LAMA3: variants seen among roughly 807,000 people sequenced by gnomAD.
The protein encoded by LAMA3 is laminin subunit alpha-3.
In LAMA3, 281 loss-of-function variants were observed where a neutral mutation model predicts 402.0. That is an observed-to-expected ratio of 0.70 (90% CI 0.63 to 0.77). The LOEUF is 0.77. Ranked by LOEUF, LAMA3 falls within the 30% of genes least tolerant of loss-of-function variation. The pLI, the probability that LAMA3 is intolerant of heterozygous loss-of-function variation, is 0.00. For synonymous variants in LAMA3, 1,431 were observed against 1,558.4 expected, an observed-to-expected ratio of 0.92 and a Z score of 1.93; for missense variants, 3,840 against 4,215.5, an observed-to-expected ratio of 0.91 and a Z score of 2.47.
At chr18:23,937,371 CAAAAAAAAAAAAA>C (rs58274189) in intron 67 of LAMA3, among the ~76,000 whole-genome samples, 193 of 92,856 alleles carry the variant, frequency 2.1e-3, no homozygotes, top group Middle Eastern at 5.0e-3. Context: ...TTCTCAAAAG[CAAAAAAAAAAAAA>C]AAAAAAAAAA....
chr18:23,763,416 C>A lies in LAMA3; in HGVS notation c.1075C>A (p.His359Asn). Reference sequence around the variant, plus strand: ...TGCTTTTTTTTCAGCATGCAACTGCCACGGCCATGCCAGCAACTGTTACTA... The same window carrying A: ...TGCTTTTTTTTCAGCATGCAACTGCAACGGCCATGCCAGCAACTGTTACTA... ...QSHECEACNC[H>N]GHASNCYYDP... Residue 359 changes from histidine to asparagine, a missense_variant, in exon 8 of 75, where the codon CAC becomes AAC. Coordinates refer to ENST00000313654, the MANE Select transcript of LAMA3 (RefSeq NM_198129.4). The A allele has an allele frequency of 6.2e-7, 1 of 1,612,148 alleles. No individual in the cohort carries two copies. The highest frequency in any genetic ancestry group is 8.5e-7 in the Non-Finnish European group (1 of 1,178,282).
chr18:23,822,900 AGAG>A (rs760284538), intron 20 of LAMA3, among the ~76,000 whole-genome samples: 12 of 152,220 alleles, frequency 7.9e-5, no homozygotes, highest in African/African-American at 1.7e-4. Flanking sequence ...CAGAGGGACA[AGAG>A]AAGAGAGCAC....
chr18:23,937,371 C>CAAA (rs58274189), intron 67 of LAMA3, among the ~76,000 whole-genome samples: 4 of 92,916 alleles, frequency 4.3e-5, no homozygotes, highest in East Asian at 5.0e-4. Context: ...TTCTCAAAAG[C>CAAA]AAAAAAAAAA....
chr18:23,933,255 G>A (rs972530900), intron 66 of LAMA3, among the ~76,000 whole-genome samples: 5 of 151,970 alleles, frequency 3.3e-5, no homozygotes, highest in African/African-American at 9.7e-5. Flanking sequence ...ATAGTATCCC[G>A]GCCCTCCCAC....
chr18:23,902,037 A>G (rs1003068804), intron 48 of LAMA3, among the ~76,000 whole-genome samples: 7 of 152,212 alleles, frequency 4.6e-5, no homozygotes, highest in Non-Finnish European at 8.8e-5. Context: ...TGCTAAAACA[A>G]TGAGGCCAGG....
intron 62 of LAMA3, among the ~76,000 whole-genome samples, chr18:23,925,512 C>A (rs1395774013): frequency 6.6e-6 from 1 of 152,170 alleles, no homozygotes; most frequent in Non-Finnish European, 1.5e-5. Context: ...TATTGAACAT[C>A]GACTAAGTAC....
At chr18:23,884,451 G>A (rs1478248026) in intron 40 of LAMA3, among the ~76,000 whole-genome samples, 1 of 151,978 alleles carries the variant, frequency 6.6e-6, no homozygotes, top group African/African-American at 2.4e-5. Context: ...CTCCTTCCTT[G>A]TTATTCCTGG....
At chr18:23,907,079 T>C (rs2081274693) in intron 52 of LAMA3, among the ~76,000 whole-genome samples, 1 of 152,338 alleles carries the variant, frequency 6.6e-6, no homozygotes, top group African/African-American at 2.4e-5. Flanking sequence ...ACAACACTCT[T>C]TTCTTGTCCT....
intron 52 of LAMA3, among the ~76,000 whole-genome samples, chr18:23,905,977 C>G (rs1027851143): frequency 2.6e-5 from 4 of 152,066 alleles, no homozygotes; most frequent in African/African-American, 9.7e-5. Flanking sequence ...GTTTCCCAGG[C>G]TGGGCTCAAA....
At chr18:23,712,240 CGTG>C (rs1408275142) in intron 1 of LAMA3, among the ~76,000 whole-genome samples, 1 of 151,706 alleles carries the variant, frequency 6.6e-6, no homozygotes, top group Non-Finnish European at 1.5e-5. Flanking sequence ...ATTAGCCGGG[CGTG>C]GTGGTGCATG....
intron 2 of LAMA3, among the ~76,000 whole-genome samples, chr18:23,735,861 C>A (rs1253119117): frequency 6.6e-6 from 1 of 152,048 alleles, no homozygotes; most frequent in Non-Finnish European, 1.5e-5. Context: ...TCACCCTGAG[C>A]AGAGAAGAGC....
rs1253105703 is a variant in LAMA3 at position 23,795,447 on chromosome 18, T to C, written c.1603+11290T>C. Among the ~76,000 whole-genome samples, 3 of 152,328 alleles carry C rather than the reference T, an allele frequency of 2.0e-5. No homozygotes were observed. In the East Asian group the frequency reaches 5.8e-4, roughly 29 times the overall value. ...AAAAAGAGTTAAATTATGTCTAATA[T>C]ACCTGCTTCATTGGGAAGGAAAGTA... On this transcript the variant is annotated intron_variant, in intron 12 of 74. Transcript: ENST00000313654.
At chr18:23,876,269 A>T (rs763709484) in intron 38 of LAMA3, 25 bp from the exon 39 acceptor site, 1 of 1,465,684 alleles carries the variant, frequency 6.8e-7, no homozygotes, top group Non-Finnish European at 9.6e-7. Context: ...CTTTGTATTG[A>T]TTAAACACTT....
intron 62 of LAMA3, among the ~76,000 whole-genome samples, chr18:23,927,703 TC>T (rs1420811448): frequency 6.6e-6 from 1 of 152,224 alleles, no homozygotes; most frequent in East Asian, 1.9e-4. Flanking sequence ...TCTAGAGCAC[TC>T]CTGGTTCCTA....
At chr18:23,903,883 T>C in intron 49 of LAMA3, 50 bp from the exon 50 acceptor site, 3 of 1,466,514 alleles carry the variant, frequency 2.0e-6, no homozygotes, top group Non-Finnish European at 2.9e-6. Context: ...AATCAGCACC[T>C]ACATTCTTTC....
chr18:23,914,590 TCA>T, intron 57 of LAMA3, 29 bp downstream of exon 57: 1 of 1,612,956 alleles, frequency 6.2e-7, no homozygotes, highest in Non-Finnish European at 8.5e-7. Flanking sequence ...GTACCTGTGC[TCA>T]CCAAACTTCC....
Position 23,839,966 on chromosome 18 carries a change from A to G in LAMA3, c.3336+37A>G, listed in dbSNP as rs747965726. ...TTTCTAAACCAGTGGTTCTCAAAGT[A>G]TGACCTCTGAAGCAGCAGCATCCAC... On this transcript the variant is annotated intron_variant, in intron 27 of 74. Transcript: ENST00000313654. The surrounding 1 kb of genome is among the most constrained non-coding windows in gnomAD (Gnocchi z 4.5). 1.2e-6 allele frequency: 2 copies of G among 1,609,232 alleles called. No individual in the cohort carries two copies. The highest frequency in any genetic ancestry group is 1.7e-5 in the Admixed American group (1 of 60,000).
At chr18:23,803,576 T>C (rs2062905557) in intron 12 of LAMA3, among the ~76,000 whole-genome samples, 1 of 152,222 alleles carries the variant, frequency 6.6e-6, no homozygotes. Context: ...TTTCCAATCA[T>C]GTTCCTTCAA....
intron 16 of LAMA3, 102 bp from the exon 17 acceptor site, chr18:23,815,366 G>A (rs191713995): frequency 1.5e-6 from 2 of 1,347,718 alleles, no homozygotes; most frequent in Non-Finnish European, 2.1e-6. Context: ...CCAGATCCTG[G>A]CTACACTGCT....
Sources: allele counts gnomAD v4.1 joint callset (sites outside exome capture counted in the v4.1 genomes callset), GRCh38; gene constraint gnomAD v4.1.1; non-coding constraint Gnocchi (gnomAD v3.1); transcripts MANE v1.5; gene names NCBI Gene and HGNC (gene_info 2026-07-23, HGNC 2026-07-21).